The following FBXO16 variants were observed in gnomAD, a reference collection of about 807,000 sequenced individuals.
FBXO16 encodes the protein F-box protein 16.
In FBXO16, 31 loss-of-function variants were observed where a neutral mutation model predicts 41.0. The ratio of observed to expected loss-of-function variants is 0.76; its 90% CI spans 0.57 to 1.02. The LOEUF (loss-of-function observed/expected upper bound fraction) is 1.02, where lower values mean the gene tolerates loss of function less well. Ranked by LOEUF, FBXO16 falls within the 50% of genes least tolerant of loss-of-function variation. The probability of loss-of-function intolerance (pLI) is 0.00; values close to 1 mark genes in which losing one functional copy is unlikely to be tolerated. For missense variants in FBXO16, 361 were observed against 346.2 expected (o/e 1.04, Z -0.34); for synonymous variants, 133 against 117.8 (o/e 1.13, Z -0.84).
At chr8:28,471,442 CCT>C (rs947175412) in intron 3 of FBXO16, among the ~76,000 whole-genome samples, 4 of 145,126 alleles carry the variant, frequency 2.8e-5, no homozygotes, top group Admixed American at 1.3e-4. Context: ...CTCCTTCCTT[CCT>C]CTCTCTTTCT....
chr8:28,431,012 T>A (rs1802597578), intron 7 of FBXO16, among the ~76,000 whole-genome samples: 1 of 152,148 alleles, frequency 6.6e-6, no homozygotes, highest in South Asian at 2.1e-4. Flanking sequence ...ACCTGTTAAA[T>A]GAAGAAAAGG....
At chr8:28,448,862 T>C (rs897015421) in intron 6 of FBXO16, 1 of 152,244 alleles carries the variant, frequency 6.6e-6, no homozygotes, top group Non-Finnish European at 1.5e-5. Context: ...GGTCTATTAC[T>C]ATATTCAGGC....
chr8:28,460,408 C>T (rs983107429), intron 4 of FBXO16, among the ~76,000 whole-genome samples: 8 of 140,750 alleles, frequency 5.7e-5, no homozygotes, highest in South Asian at 4.4e-4. Context: ...TAGGCACATG[C>T]GCTATACCTG....
intron 7 of FBXO16, among the ~76,000 whole-genome samples, chr8:28,435,011 G>A (rs113320516): frequency 3.3e-5 from 5 of 152,168 alleles, no homozygotes; most frequent in South Asian, 2.1e-4. Context: ...CAGCTCAGTC[G>A]GCCCCTGGCC....
chr8:28,463,306 G>T (rs998881858), intron 4 of FBXO16, among the ~76,000 whole-genome samples: 2 of 148,992 alleles, frequency 1.3e-5, no homozygotes, highest in South Asian at 2.1e-4. Flanking sequence ...GTGTGTGTTT[G>T]TGTGTGTGTG....
chr8:28,461,551 T>C (rs1261819627), intron 4 of FBXO16, among the ~76,000 whole-genome samples: 1 of 139,732 alleles, frequency 7.2e-6, no homozygotes, highest in East Asian at 2.4e-4. Context: ...TGCTGGGTTG[T>C]TGGTCTTTTT....
At chr8:28,468,105 C>T (rs1304190426) in intron 3 of FBXO16, among the ~76,000 whole-genome samples, 1 of 152,080 alleles carries the variant, frequency 6.6e-6, no homozygotes, top group African/African-American at 2.4e-5. Flanking sequence ...CAGTTATCCC[C>T]CACGTCTCTT....
intron 1 of FBXO16, among the ~76,000 whole-genome samples, chr8:28,489,591 T>C (rs1449980338): frequency 6.7e-6 from 1 of 150,352 alleles, no homozygotes; most frequent in Non-Finnish European, 1.5e-5. Context: ...TCCCAGCTAC[T>C]CAGGAGGCTG....
intron 6 of FBXO16, among the ~76,000 whole-genome samples, chr8:28,448,106 G>A (rs182523874): frequency 5.2e-4 from 79 of 152,204 alleles, no homozygotes; most frequent in Admixed American, 4.4e-3. Context: ...TTGGAAAGGC[G>A]AGAGGGAAGG....
chr8:28,481,583 G>A (rs529297645), intron 2 of FBXO16, among the ~76,000 whole-genome samples: 7 of 152,106 alleles, frequency 4.6e-5, no homozygotes, highest in South Asian at 4.2e-4. Context: ...AGGCTGAGGC[G>A]GGTGGATCAT....
chr8:28,480,419 G>T (rs1339121573), intron 2 of FBXO16, among the ~76,000 whole-genome samples: 24 of 152,160 alleles, frequency 1.6e-4, no homozygotes, highest in Non-Finnish European at 2.9e-5. Context: ...AGATGAAGAG[G>T]CAGGAAGACA....
chr8:28,475,839 A>G (rs1803414783), intron 2 of FBXO16, among the ~76,000 whole-genome samples: 1 of 152,212 alleles, frequency 6.6e-6, no homozygotes, highest in Non-Finnish European at 1.5e-5. Flanking sequence ...GAAGTCATAG[A>G]ATTTTAGAGC....
At chr8:28,454,644 C>T (rs949656224) in intron 5 of FBXO16, among the ~76,000 whole-genome samples, 7 of 144,350 alleles carry the variant, frequency 4.8e-5, no homozygotes, top group African/African-American at 1.8e-4. Context: ...AGGAGAATGG[C>T]GTGAGCCCGG....
chr8:28,451,389 T>G lies in FBXO16; in HGVS notation c.740+855A>C, dbSNP rs80188931. On this transcript the variant is annotated intron_variant, in intron 6 of 8. Transcript: ENST00000380254. ...CTGTCTCTTTGTTGTTGTTTTTTTTTTTTTTGTTTTTTGTTTTTTGAGATA... is the reference window on the plus strand; with the variant it reads ...CTGTCTCTTTGTTGTTGTTTTTTTTGTTTTTGTTTTTTGTTTTTTGAGATA... Among the ~76,000 whole-genome samples, 523 of 150,654 alleles carry G rather than the reference T, an allele frequency of 3.5e-3. 1 individual carries two copies. Among genetic ancestry groups the G allele is most frequent in the Admixed American group, 5.2e-3 (79 of 15,148 alleles).
intron 2 of FBXO16, among the ~76,000 whole-genome samples, chr8:28,475,754 C>G (rs570431479): frequency 1.3e-5 from 2 of 152,274 alleles, no homozygotes; most frequent in South Asian, 4.1e-4. Flanking sequence ...TCCACAGAAC[C>G]CTCAAGTACA....
At chr8:28,466,628 T>TAAA (rs59386196) in intron 3 of FBXO16, among the ~76,000 whole-genome samples, 1 of 138,698 alleles carries the variant, frequency 7.2e-6, no homozygotes, top group East Asian at 2.1e-4. Context: ...CATCTCTACT[T>TAAA]AAAAAAAAAA....
intron 4 of FBXO16, among the ~76,000 whole-genome samples, chr8:28,460,328 A>T (rs1254610988): frequency 8.6e-6 from 1 of 116,932 alleles, no homozygotes; most frequent in Non-Finnish European, 1.7e-5. Context: ...AGCTTACTGT[A>T]GCCTTCAACC....
At chr8:28,463,430 A>G (rs1296647175) in intron 4 of FBXO16, among the ~76,000 whole-genome samples, 182 bp downstream of exon 4, 2 of 150,640 alleles carry the variant, frequency 1.3e-5, no homozygotes, top group African/African-American at 2.5e-5. Flanking sequence ...GTATGTGTGT[A>G]TATGTGTATG....
intron 1 of FBXO16, among the ~76,000 whole-genome samples, chr8:28,486,592 A>C (rs1016539970): frequency 1.3e-4 from 20 of 151,954 alleles, no homozygotes; most frequent in African/African-American, 4.8e-4. Context: ...AGGCTGAAGC[A>C]GAAAGACTGC....
Sources: gnomAD v4.1 joint callset for allele counts (sites outside exome capture counted in the v4.1 genomes callset) on GRCh38, gnomAD v4.1.1 for gene constraint, MANE v1.5 for transcripts, NCBI Gene and HGNC (gene_info 2026-07-23, HGNC 2026-07-21) for gene names.